Variants in PTPRG observed in about 807,000 individuals in gnomAD.
PTPRG encodes the protein receptor-type tyrosine-protein phosphatase gamma.
Under a neutral mutation model 165.3 loss-of-function variants are expected in PTPRG, and 102 were observed. The observed-to-expected ratio is 0.62, with a 90% confidence interval of 0.53 to 0.73. PTPRG has a LOEUF of 0.73. Among genes scored for constraint, PTPRG ranks in the 30% least tolerant of loss-of-function variants. The probability of loss-of-function intolerance (pLI) is 0.00; values close to 1 mark genes in which losing one functional copy is unlikely to be tolerated. For synonymous variants in PTPRG, 675 were observed against 669.5 expected, an observed-to-expected ratio of 1.01 and a Z score of -0.13; for missense variants, 1,866 against 1,861.4, an observed-to-expected ratio of 1.00 and a Z score of -0.05.
At chr3:61,895,682 A>C (rs2038336414) in intron 2 of PTPRG, among the ~76,000 whole-genome samples, 1 of 152,174 alleles carries the variant, frequency 6.6e-6, no homozygotes, top group African/African-American at 2.4e-5. Flanking sequence ...GTAGCAGTTT[A>C]AGTTTTATTG....
Position 62,089,394 on chromosome 3 carries a change from T to A in PTPRG, c.615+11136T>A, listed in dbSNP as rs890805161. Reference sequence around the variant, plus strand: ...CTCTTTTTCTGTTAACATCTTGATCTTGGTAACACTGTTTTGCTGATTGTG... The same window carrying A: ...CTCTTTTTCTGTTAACATCTTGATCATGGTAACACTGTTTTGCTGATTGTG... On this transcript the variant is annotated intron_variant, in intron 5 of 29. Transcript: ENST00000474889. 2.6e-5 allele frequency among the ~76,000 whole-genome samples: 4 copies of A among 152,246 alleles called. No homozygotes were observed. The East Asian group carries it at 5.8e-4, about 22-fold the overall frequency.
At chr3:61,637,370 G>A (rs28363967) in intron 1 of PTPRG, among the ~76,000 whole-genome samples, 4,269 of 152,170 alleles carry the variant, frequency 0.028, 189 homozygotes, top group African/African-American at 0.096. Flanking sequence ...TGGATAATGC[G>A]GATAGTAGAA....
At chr3:61,621,045 A>ATGTGTGTGTGTGTG (rs1414471842) in intron 1 of PTPRG, among the ~76,000 whole-genome samples, 36 of 77,538 alleles carry the variant, frequency 4.6e-4, no homozygotes, top group Middle Eastern at 0.012. Flanking sequence ...ATATATATAT[A>ATGTGTGTGTGTGTG]TATATATGTG....
chr3:62,126,715 A>C (rs900576497), intron 5 of PTPRG, among the ~76,000 whole-genome samples: 1 of 152,242 alleles, frequency 6.6e-6, no homozygotes, highest in Non-Finnish European at 1.5e-5. Flanking sequence ...GCAATTCTCT[A>C]GACCAGGAAT....
chr3:61,738,296 A>G (rs762411730), intron 1 of PTPRG, among the ~76,000 whole-genome samples: 21,618 of 38,998 alleles, frequency 0.55, 5,348 homozygotes, highest in African/African-American at 0.63. Context: ...ATATATATAT[A>G]TATATATATA....
intron 4 of PTPRG, among the ~76,000 whole-genome samples, chr3:62,043,931 G>T (rs1700206328): frequency 6.6e-6 from 1 of 152,172 alleles, no homozygotes; most frequent in African/African-American, 2.4e-5. Context: ...CAGATAGTTG[G>T]CATGTACAGG....
At chr3:61,641,233 C>A (rs1426478708) in intron 1 of PTPRG, among the ~76,000 whole-genome samples, 1 of 152,126 alleles carries the variant, frequency 6.6e-6, no homozygotes, top group South Asian at 2.1e-4. Context: ...CCCCCTCCCT[C>A]CCTGAAATAT....
chr3:61,772,058 TAAAAA>T (rs71100977), intron 2 of PTPRG, among the ~76,000 whole-genome samples: 2 of 64,782 alleles, frequency 3.1e-5, no homozygotes, highest in Non-Finnish European at 5.6e-5. Context: ...AGACTCTGTC[TAAAAA>T]AAAAAAAAAA....
intron 2 of PTPRG, among the ~76,000 whole-genome samples, chr3:61,902,285 G>A (rs1002083831): frequency 3.3e-5 from 5 of 152,190 alleles, no homozygotes; most frequent in African/African-American, 1.2e-4. Context: ...AATTAGGTGG[G>A]AGAACATGCT....
chr3:62,067,171 C>T (rs958957692), intron 4 of PTPRG, among the ~76,000 whole-genome samples: 2 of 151,886 alleles, frequency 1.3e-5, no homozygotes, highest in Non-Finnish European at 2.9e-5. Context: ...ACCATGCCCA[C>T]TGATAATGTT....
At chr3:62,192,341 A>T (rs928061338) in intron 9 of PTPRG, among the ~76,000 whole-genome samples, 1 of 143,304 alleles carries the variant, frequency 7.0e-6, no homozygotes, top group Non-Finnish European at 1.5e-5. Context: ...TTCAGAACAG[A>T]TGTTTGCAGA....
At position 61,811,254 on chromosome 3, in the gene PTPRG, G is replaced by T. The variant is rs952182005; in HGVS notation, c.190+62272G>T. On this transcript the variant is annotated intron_variant, in intron 2 of 29. Coordinates refer to ENST00000474889, the MANE Select transcript of PTPRG (RefSeq NM_002841.4). ...TTTACTTGGCCTCTCTGTTCTGCTA[G>T]GTACCATGAGAAAAGCATGTCCTAG... 5.9e-5 allele frequency among the ~76,000 whole-genome samples: 9 copies of T among 152,154 alleles called. No individual in the cohort carries two copies. The East Asian group carries it at 1.3e-3, about 23-fold the overall frequency.
chr3:61,975,066 C>CT (rs34289965), intron 2 of PTPRG, among the ~76,000 whole-genome samples: 80,637 of 151,634 alleles, frequency 0.53, 21,839 homozygotes, highest in African/African-American at 0.65. Flanking sequence ...ATAGCATAAC[C>CT]TTTCTGGCTG....
At chr3:61,782,154 C>T (rs2034566111) in intron 2 of PTPRG, among the ~76,000 whole-genome samples, 1 of 152,164 alleles carries the variant, frequency 6.6e-6, no homozygotes, top group Admixed American at 6.5e-5. Context: ...GGAAACACCA[C>T]TGTTGAGCTC....
In PTPRG at chr3:62,132,600, A is replaced by G. The variant is rs1372956686; in HGVS notation, c.616-2A>G. 1 of 1,602,658 alleles carries G rather than the reference A, an allele frequency of 6.2e-7. No homozygotes were observed. Among genetic ancestry groups the G allele is most frequent in the Admixed American group, 1.7e-5 (1 of 60,022 alleles). On this transcript the variant is annotated splice_acceptor_variant, in intron 5 of 29. Transcript: ENST00000474889. LOFTEE classifies it high-confidence loss of function. ...AACCAATCATGTTTCCTTTACATTT[A>G]GGTCAGTCCGAGGGACAATTCTGCA...
intron 1 of PTPRG, among the ~76,000 whole-genome samples, chr3:61,713,462 C>T (rs757041319): frequency 2.0e-5 from 3 of 151,946 alleles, no homozygotes; most frequent in Non-Finnish European, 4.4e-5. Flanking sequence ...TGAGCCACTG[C>T]ACCCGGGCTG....
chr3:62,206,912 CAAA>C (rs556974355), intron 12 of PTPRG, among the ~76,000 whole-genome samples: 89 of 37,320 alleles, frequency 2.4e-3, no homozygotes, highest in Admixed American at 6.3e-3. Context: ...GACTCTGTCT[CAAA>C]AAAAAAAAAA....
Position 62,297,148 on chromosome 3 carries a change from T to C in PTPRG, c.*3841T>C, listed in dbSNP as rs1225913734. On this transcript the variant is annotated 3_prime_UTR_variant, in exon 30 of 30. Coordinates refer to ENST00000474889, the MANE Select transcript of PTPRG (RefSeq NM_002841.4). ...GGGTAAGCATCTTCTGGGAACTTTG[T>C]ATCTATGGTATATAATCATAGAATT... 1 of 152,100 alleles carries C rather than the reference T, an allele frequency of 6.6e-6. No homozygotes were observed. The highest frequency in any genetic ancestry group is 1.5e-5 in the Non-Finnish European group (1 of 67,962). The allele number at this position is 152,100 out of a possible 1,614,324, so 9.4% of individuals were successfully genotyped here.
chr3:61,759,758 A>C (rs1331272901), intron 2 of PTPRG, among the ~76,000 whole-genome samples: 1 of 151,880 alleles, frequency 6.6e-6, no homozygotes, highest in Non-Finnish European at 1.5e-5. Flanking sequence ...CCTGTGATAC[A>C]AATATTTGAC....
Sources: allele counts gnomAD v4.1 joint callset (sites outside exome capture counted in the v4.1 genomes callset), GRCh38; gene constraint gnomAD v4.1.1; transcripts MANE v1.5; gene names NCBI Gene and HGNC (gene_info 2026-07-23, HGNC 2026-07-21).